The following EGFLAM variants were observed in gnomAD, a reference collection of about 807,000 sequenced individuals.
The protein encoded by EGFLAM is EGF like, fibronectin type III and laminin G domains.
EGFLAM carries 79 observed loss-of-function variants against 113.1 expected under a neutral mutation model. The observed-to-expected ratio is 0.70, with a 90% CI of 0.58 to 0.84. EGFLAM has a LOEUF of 0.84. Ranked by LOEUF, EGFLAM falls within the 40% of genes least tolerant of loss-of-function variation. The pLI, the probability that EGFLAM is intolerant of heterozygous loss-of-function variation, is 0.00. For synonymous variants in EGFLAM, 504 were observed against 487.6 expected, an observed-to-expected ratio of 1.03 and a Z score of -0.44; for missense variants, 1,265 against 1,291.6, an observed-to-expected ratio of 0.98 and a Z score of 0.32.
chr5:38,326,107 A>C (rs940342172), intron 1 of EGFLAM, among the ~76,000 whole-genome samples: 3 of 152,140 alleles, frequency 2.0e-5, no homozygotes, highest in Non-Finnish European at 2.9e-5. Flanking sequence ...CAGAACCTTC[A>C]TGAGGGCTAG....
At chr5:38,388,589 T>A (rs545495426) in intron 6 of EGFLAM, among the ~76,000 whole-genome samples, 40 of 146,340 alleles carry the variant, frequency 2.7e-4, no homozygotes, top group East Asian at 7.8e-4. Context: ...ACTAAAAAAA[T>A]ATATATATAT....
At chr5:38,268,099 G>T (rs1757677315) in intron 1 of EGFLAM, among the ~76,000 whole-genome samples, 2 of 152,168 alleles carry the variant, frequency 1.3e-5, no homozygotes, top group Admixed American at 1.3e-4. Flanking sequence ...AAGATGGTTT[G>T]TTGATTTTTC....
At chr5:38,260,860 C>T (rs1438061133) in intron 1 of EGFLAM, among the ~76,000 whole-genome samples, 4 of 152,138 alleles carry the variant, frequency 2.6e-5, no homozygotes, top group Admixed American at 2.6e-4. Context: ...ACTGAATGTG[C>T]CCTGCTTGGC....
At chr5:38,425,578 T>C (rs941112737) in intron 13 of EGFLAM, among the ~76,000 whole-genome samples, 3 of 152,204 alleles carry the variant, frequency 2.0e-5, no homozygotes, top group African/African-American at 7.2e-5. Context: ...GGAGTGTCTC[T>C]GAGTGCCAAA....
intron 1 of EGFLAM, among the ~76,000 whole-genome samples, chr5:38,335,796 A>G (rs965171054): frequency 1.3e-5 from 2 of 152,198 alleles, no homozygotes; most frequent in Non-Finnish European, 2.9e-5. Context: ...TATTAAAAAC[A>G]TTGATGACAA....
chr5:38,399,664 T>A (rs1741054649), intron 6 of EGFLAM: 1 of 152,140 alleles, frequency 6.6e-6, no homozygotes, highest in Admixed American at 6.6e-5. Flanking sequence ...TGTCCCCACC[T>A]CTGTAGGCAG....
At chr5:38,427,662 A>G (rs1416411232) in intron 14 of EGFLAM, among the ~76,000 whole-genome samples, 2 of 152,200 alleles carry the variant, frequency 1.3e-5, no homozygotes, top group African/African-American at 4.8e-5. Context: ...ACTAGTAAAA[A>G]AGTATTAACA....
chr5:38,456,883 A>G (rs1743104746), intron 19 of EGFLAM, among the ~76,000 whole-genome samples: 1 of 152,204 alleles, frequency 6.6e-6, no homozygotes, highest in African/African-American at 2.4e-5. Context: ...CCTAGGCTTT[A>G]TTGTATTATC....
At chr5:38,287,320 T>C (rs924201052) in intron 1 of EGFLAM, among the ~76,000 whole-genome samples, 2 of 152,356 alleles carry the variant, frequency 1.3e-5, no homozygotes, top group African/African-American at 4.8e-5. Context: ...TTAAGGCGTA[T>C]ATGTGCCTAG....
At position 38,431,236 on chromosome 5, in the gene EGFLAM, A is replaced by C; in HGVS notation, c.2114A>C (p.Lys705Thr). The C allele has an allele frequency of 1.9e-6, 3 of 1,614,206 alleles. No individual in the cohort carries two copies. Among genetic ancestry groups the C allele is most frequent in the Non-Finnish European group, 2.5e-6 (3 of 1,180,030 alleles). ...GAGCTTCGTGTATCTCGCACAGCAA[A>C]GAATGGAATCTTACAGGTGGATAAG... ...WHELRVSRTAKNGILQVDKQK... is the reference protein window; with the variant it reads ...WHELRVSRTATNGILQVDKQK... Residue 705 changes from lysine (K) to threonine (T), a missense_variant, in exon 15 of 22, where the codon AAG becomes ACG. By Grantham distance (78) the Lys-to-Thr change is moderately conservative. Coordinates refer to ENST00000322350, the MANE Select transcript of EGFLAM (RefSeq NM_152403.4).
At chr5:38,379,280 ACACATTTTGTATATG>A (rs1740446791) in intron 6 of EGFLAM, among the ~76,000 whole-genome samples, 1 of 152,168 alleles carries the variant, frequency 6.6e-6, no homozygotes, top group African/African-American at 2.4e-5. Flanking sequence ...GAAAAGGTAC[ACACATTTTGTATATG>A]CACAGGGGGC....
chr5:38,446,552 G>A (rs909492513), intron 17 of EGFLAM, among the ~76,000 whole-genome samples: 3 of 152,022 alleles, frequency 2.0e-5, no homozygotes, highest in African/African-American at 7.2e-5. Context: ...TAGTCAGAAG[G>A]GAGTGGCTGG....
At chr5:38,270,146 T>C (rs574504746) in intron 1 of EGFLAM, among the ~76,000 whole-genome samples, 2 of 152,316 alleles carry the variant, frequency 1.3e-5, no homozygotes. Flanking sequence ...CACTGGTTGG[T>C]ATGTGGGGAA....
intron 1 of EGFLAM, among the ~76,000 whole-genome samples, chr5:38,289,328 TGTAA>T: frequency 1.3e-5 from 2 of 150,496 alleles, no homozygotes; most frequent in Middle Eastern, 7.2e-3. Context: ...ACTTGAAACC[TGTAA>T]TAGGCTCCTA....
At chr5:38,435,088 A>G (rs780539509) in intron 15 of EGFLAM, 49 bp from the exon 16 acceptor site, 1 of 1,511,014 alleles carries the variant, frequency 6.6e-7, no homozygotes, top group Admixed American at 1.7e-5. Context: ...GATCATTTTG[A>G]ACATCTGTTT....
chr5:38,276,830 A>G (rs1381610786), intron 1 of EGFLAM, among the ~76,000 whole-genome samples: 1 of 152,138 alleles, frequency 6.6e-6, no homozygotes, highest in Non-Finnish European at 1.5e-5. Flanking sequence ...AAATGGATAA[A>G]TGGCCACATA....
At chr5:38,316,751 C>A (rs1438893308) in intron 1 of EGFLAM, among the ~76,000 whole-genome samples, 1 of 152,200 alleles carries the variant, frequency 6.6e-6, no homozygotes, top group African/African-American at 2.4e-5. Context: ...CGAGTTCCAA[C>A]TCAGCTGTTT....
chr5:38,448,614 A>C (rs966843513), intron 18 of EGFLAM, among the ~76,000 whole-genome samples: 1 of 152,222 alleles, frequency 6.6e-6, no homozygotes, highest in African/African-American at 2.4e-5. Context: ...CCTGTTACAA[A>C]AGATCCAGTA....
chr5:38,317,420 G>A (rs967163676), intron 1 of EGFLAM, among the ~76,000 whole-genome samples: 9 of 152,122 alleles, frequency 5.9e-5, no homozygotes, highest in Non-Finnish European at 1.3e-4. Context: ...GTCTATGTCT[G>A]CCAGGAAGGG....
Sources: gnomAD v4.1 joint callset for allele counts (sites outside exome capture counted in the v4.1 genomes callset) on GRCh38, gnomAD v4.1.1 for gene constraint, MANE v1.5 for transcripts, NCBI Gene and HGNC (gene_info 2026-07-23, HGNC 2026-07-21) for gene names.